FOCAD: variants seen among roughly 807,000 people sequenced by gnomAD.
The protein encoded by FOCAD is KIAA1797.
In FOCAD, 198 loss-of-function variants were observed where a neutral mutation model predicts 225.6. The observed-to-expected ratio is 0.88, with a 90% CI of 0.78 to 0.99. The LOEUF is 0.99. Ranked by LOEUF, FOCAD falls within the 50% of genes least tolerant of loss-of-function variation. The probability of loss-of-function intolerance (pLI) is 0.00; values close to 1 mark genes in which losing one functional copy is unlikely to be tolerated. For synonymous variants in FOCAD, 897 were observed against 755.0 expected (o/e 1.19, Z -3.08); for missense variants, 2,713 against 2,123.6 (o/e 1.28, Z -5.46).
At chr9:20,893,620 AGAGT>A (rs1423328577) in intron 21 of FOCAD, among the ~76,000 whole-genome samples, 3 of 152,134 alleles carry the variant, frequency 2.0e-5, no homozygotes, top group African/African-American at 7.2e-5. Flanking sequence ...CAACTACATG[AGAGT>A]GAGTGAGCGA....
intron 10 of FOCAD, among the ~76,000 whole-genome samples, chr9:20,788,493 A>C (rs1820173781): frequency 6.6e-6 from 1 of 152,202 alleles, no homozygotes; most frequent in Non-Finnish European, 1.5e-5. Flanking sequence ...GTTATTTAAA[A>C]ATTTGATAAA....
intron 35 of FOCAD, among the ~76,000 whole-genome samples, chr9:20,969,219 T>C (rs1025886320): frequency 3.9e-5 from 6 of 152,156 alleles, no homozygotes; most frequent in Non-Finnish European, 7.4e-5. Context: ...TTCCGTGTGC[T>C]CTTGAAATGA....
chr9:20,884,092 G>A (rs1003838073), intron 20 of FOCAD, among the ~76,000 whole-genome samples: 9 of 152,132 alleles, frequency 5.9e-5, no homozygotes. Flanking sequence ...TGTTCATGAA[G>A]ATTAATATGT....
At chr9:20,989,180 C>T (rs571403649) in intron 41 of FOCAD, among the ~76,000 whole-genome samples, 1 of 152,196 alleles carries the variant, frequency 6.6e-6, no homozygotes, top group East Asian at 1.9e-4. Context: ...TTTGCATAAC[C>T]TGGGATGTTT....
chr9:20,736,708 A>C (rs994813258), intron 4 of FOCAD, among the ~76,000 whole-genome samples: 1 of 152,166 alleles, frequency 6.6e-6, no homozygotes, highest in Non-Finnish European at 1.5e-5. Flanking sequence ...TTGAAAAAGC[A>C]TGTAATTTAC....
intron 22 of FOCAD, among the ~76,000 whole-genome samples, chr9:20,908,569 T>A (rs1007391895): frequency 6.6e-6 from 1 of 152,072 alleles, no homozygotes; most frequent in Non-Finnish European, 1.5e-5. Context: ...CTAAATGTAC[T>A]GTAATCTGCA....
intron 4 of FOCAD, among the ~76,000 whole-genome samples, chr9:20,723,892 C>A (rs1825992209): frequency 6.6e-6 from 1 of 152,052 alleles, no homozygotes; most frequent in African/African-American, 2.4e-5. Context: ...CCAGTATCTG[C>A]TTCTGGCAAG....
chr9:20,897,165 C>G (rs998387821), intron 21 of FOCAD: 2 of 151,720 alleles, frequency 1.3e-5, no homozygotes, highest in African/African-American at 4.8e-5. Context: ...TTCTTGACAG[C>G]TTTCCTTGTT....
chr9:20,689,730 G>A (rs1361440497), intron 1 of FOCAD, among the ~76,000 whole-genome samples: 2 of 152,200 alleles, frequency 1.3e-5, no homozygotes, highest in Non-Finnish European at 2.9e-5. Flanking sequence ...GTATAAGGGT[G>A]ACAGCGCTTC....
chr9:20,769,952 G>T, intron 7 of FOCAD, 80 bp from the exon 8 acceptor site: 3 of 1,320,574 alleles, frequency 2.3e-6, no homozygotes, highest in South Asian at 1.4e-5. Context: ...AAATTACATT[G>T]TTCAAAGCTT....
At chr9:20,716,339 A>G (rs562072320) in intron 2 of FOCAD, among the ~76,000 whole-genome samples, 1 of 151,592 alleles carries the variant, frequency 6.6e-6, no homozygotes, top group African/African-American at 2.4e-5. Context: ...AGGTGAAAAA[A>G]ATATATATAT....
chr9:20,839,466 G>T (rs1039541839), intron 15 of FOCAD, among the ~76,000 whole-genome samples: 8 of 151,624 alleles, frequency 5.3e-5, no homozygotes, highest in African/African-American at 1.9e-4. Flanking sequence ...TTGCCATGTT[G>T]CCCAGGCTGG....
At chr9:20,704,605 G>A (rs1824229375) in intron 1 of FOCAD, among the ~76,000 whole-genome samples, 2 of 152,106 alleles carry the variant, frequency 1.3e-5, no homozygotes, top group African/African-American at 4.8e-5. Flanking sequence ...CTTTTAAGTG[G>A]TTTAAACTTA....
chr9:20,798,128 T>G (rs1564003767), intron 11 of FOCAD, among the ~76,000 whole-genome samples: 1 of 152,238 alleles, frequency 6.6e-6, no homozygotes, highest in Non-Finnish European at 1.5e-5. Context: ...TCTTTGGTTC[T>G]GTTTATATGC....
intron 2 of FOCAD, among the ~76,000 whole-genome samples, chr9:20,716,599 T>C (rs1200564022): frequency 1.3e-5 from 2 of 152,212 alleles, no homozygotes; most frequent in Non-Finnish European, 2.9e-5. Flanking sequence ...TTGTCCCTAT[T>C]GTGTTTCATA....
chr9:20,901,191 AATGT>A (rs72163475), intron 21 of FOCAD, among the ~76,000 whole-genome samples: 6,409 of 132,382 alleles, frequency 0.048, 206 homozygotes, highest in African/African-American at 0.1. Context: ...ATGTGGAAAC[AATGT>A]GTGTGTGTGT....
intron 2 of FOCAD, among the ~76,000 whole-genome samples, chr9:20,665,553 A>G (rs977421341): frequency 6.6e-6 from 1 of 152,220 alleles, no homozygotes; most frequent in East Asian, 1.9e-4. Context: ...ATGTCTATAC[A>G]ATTATTTGAT....
chr9:20,995,660 G>T lies in FOCAD; in HGVS notation c.*31G>T. On this transcript the variant is annotated 3_prime_UTR_variant, in exon 44 of 44. Transcript: ENST00000338382. ...TTTGCAGTAACCAGCAGCATTCTCAGCTGGATGAGGAAAACCATATAAGTG... is the reference window on the plus strand; with the variant it reads ...TTTGCAGTAACCAGCAGCATTCTCATCTGGATGAGGAAAACCATATAAGTG... 2.5e-6 allele frequency: 4 copies of T among 1,591,254 alleles called. No homozygotes were observed. Among genetic ancestry groups the T allele is most frequent in the Non-Finnish European group, 2.6e-6 (3 of 1,160,400 alleles).
chr9:20,758,260 G>A (rs933550658), intron 6 of FOCAD, 69 bp downstream of exon 6: 1 of 1,149,988 alleles, frequency 8.7e-7, no homozygotes, highest in African/African-American at 1.6e-5. Flanking sequence ...TTAGAGCTAG[G>A]GTTTTTTTTT....
Sources: gnomAD v4.1 joint callset for allele counts (sites outside exome capture counted in the v4.1 genomes callset) on GRCh38, gnomAD v4.1.1 for gene constraint, MANE v1.5 for transcripts, NCBI Gene and HGNC (gene_info 2026-07-23, HGNC 2026-07-21) for gene names.